The following BANP variants were observed in gnomAD, a reference collection of about 807,000 sequenced individuals.
BANP encodes the protein protein BANP.
In BANP, 11 loss-of-function variants were observed where a neutral mutation model predicts 68.1. That is an observed-to-expected ratio of 0.16 (90% confidence interval 0.10 to 0.27). The LOEUF (loss-of-function observed/expected upper bound fraction) is 0.27, where lower values mean the gene tolerates loss of function less well. Among genes scored for constraint, BANP ranks in the 10% least tolerant of loss-of-function variants. The pLI, the probability that BANP is intolerant of heterozygous loss-of-function variation, is 1.00. For synonymous variants in BANP, 329 were observed against 303.2 expected (o/e 1.09, Z -0.88); for missense variants, 504 against 722.7 (o/e 0.70, Z 3.47).
chr16:88,026,825 C>T (rs909654101), intron 7 of BANP, among the ~76,000 whole-genome samples: 2 of 152,226 alleles, frequency 1.3e-5, no homozygotes, highest in East Asian at 1.9e-4. Context: ...GGAACAGTAA[C>T]AATACACACC....
Position 88,036,269 on chromosome 16 carries a change from G to A in BANP, c.1272+875G>A, listed in dbSNP as rs13330420. On this transcript the variant is annotated intron_variant, in intron 10 of 13. Coordinates refer to ENST00000682872, the MANE Select transcript of BANP (RefSeq NM_001386991.1). The surrounding 1 kb of genome is among the most constrained non-coding windows in gnomAD (Gnocchi z 4.2). ...GTTTGGTGCATAGTAGTGTGTCGCT[G>A]CAAAGATCTCAGGCTTCCCCACACA... 0.71 allele frequency among the ~76,000 whole-genome samples: 108,105 copies of A among 152,076 alleles called. 42,023 individuals carry two copies. Among genetic ancestry groups the A allele is most frequent in the East Asian group, 0.87 (4,510 of 5,164 alleles).
At position 88,027,662 on chromosome 16, in the gene BANP, G is replaced by T; in HGVS notation, c.1063+12G>T. ...CTACTGCCCTTCAGGTAGGCCTCGT[G>T]CTGCAGGAGAGGCCGCCCTCCCCCG... On this transcript the variant is annotated intron_variant, in intron 8 of 13. Transcript: ENST00000682872. 6.2e-7 allele frequency: 1 copy of T among 1,612,568 alleles called. No homozygotes were observed. The highest frequency in any genetic ancestry group is 8.5e-7 in the Non-Finnish European group (1 of 1,179,718).
At chr16:88,023,636 G>T (rs986375967) in intron 7 of BANP, among the ~76,000 whole-genome samples, 1 of 152,206 alleles carries the variant, frequency 6.6e-6, no homozygotes, top group Non-Finnish European at 1.5e-5. Context: ...CAAGGCACAA[G>T]ATGACAAGCC....
chr16:87,977,843 C>CTTTG (rs1555547159), intron 2 of BANP, among the ~76,000 whole-genome samples: 1 of 151,354 alleles, frequency 6.6e-6, no homozygotes, highest in Non-Finnish European at 1.5e-5. Context: ...ATTGTGATAT[C>CTTTG]TTTATTTATT....
chr16:87,952,967 G>A lies in BANP; in HGVS notation c.-69+1452G>A, dbSNP rs538757242. Among the ~76,000 whole-genome samples, 14 of 152,168 alleles carry A rather than the reference G, an allele frequency of 9.2e-5. No individual in the cohort carries two copies. The East Asian group carries it at 2.3e-3, about 25-fold the overall frequency. On this transcript the variant is annotated intron_variant, in intron 1 of 13. Transcript: ENST00000682872. ...GTATTTTTCGTAGAGAGGGGGTTTC[G>A]CCTTGTTGTCCAGCCTGGGGCTTTA...
intron 1 of BANP, among the ~76,000 whole-genome samples, chr16:87,968,471 T>G: frequency 7.9e-6 from 1 of 127,284 alleles, no homozygotes; most frequent in Non-Finnish European, 1.6e-5. Context: ...GCAACAAGAG[T>G]GAAACTCTGT....
chr16:87,950,244 C>T (rs1195883509), upstream of BANP, among the ~76,000 whole-genome samples: 2 of 152,060 alleles, frequency 1.3e-5, no homozygotes, highest in Non-Finnish European at 2.9e-5. Flanking sequence ...GGCATTCTTG[C>T]TCATTGCAAA....
chr16:88,010,071 G>A (rs2072618643), intron 6 of BANP, among the ~76,000 whole-genome samples: 1 of 152,236 alleles, frequency 6.6e-6, no homozygotes, highest in South Asian at 2.1e-4. Flanking sequence ...CTTCATTCTT[G>A]TGCTTGCCTT....
chr16:87,961,065 C>T (rs1194770967), intron 1 of BANP, among the ~76,000 whole-genome samples: 1 of 152,164 alleles, frequency 6.6e-6, no homozygotes, highest in African/African-American at 2.4e-5. Flanking sequence ...CAACATTTTC[C>T]AGATGGTCGA....
intron 4 of BANP, among the ~76,000 whole-genome samples, chr16:87,995,901 C>T (rs1235792275): frequency 6.6e-6 from 1 of 152,256 alleles, no homozygotes; most frequent in African/African-American, 2.4e-5. Flanking sequence ...GCTGGGGTTC[C>T]TGCGGTGCCC....
In BANP at chr16:88,065,349, T is replaced by A. The variant is rs774184149; in HGVS notation, c.1377+17T>A. 2.1e-5 allele frequency: 16 copies of A among 765,302 alleles called. No homozygotes were observed. In the African/African-American group the frequency reaches 2.4e-4, roughly 11 times the overall value. 47.4% of individuals were successfully genotyped at this position (765,302 alleles called of 1,614,324 possible). ...AGTGGCCAGGTGAGTCCTTTGTACA[T>A]CCCATCTCTCCCACCCTCTGTGGCT... is the stretch of plus-strand genomic sequence containing the variant. On this transcript the variant is annotated intron_variant, in intron 12 of 13. Transcript: ENST00000682872.
chr16:88,047,924 C>A (rs923510690), intron 11 of BANP, among the ~76,000 whole-genome samples: 2 of 152,198 alleles, frequency 1.3e-5, no homozygotes, highest in Admixed American at 1.3e-4. Context: ...CTGAATTTAA[C>A]CCTGATTAGC....
chr16:88,037,054 G>C (rs1417908550), intron 10 of BANP, among the ~76,000 whole-genome samples: 1 of 152,160 alleles, frequency 6.6e-6, no homozygotes, highest in Admixed American at 6.5e-5. Context: ...CTGCCAAAGA[G>C]CTCAGCCAGA....
At chr16:88,065,134 TAACA>T in intron 11 of BANP, 129 bp from the exon 12 acceptor site, 1 of 533,116 alleles carries the variant, frequency 1.9e-6, no homozygotes, top group Non-Finnish European at 3.3e-6. Flanking sequence ...GTGGCTGCCA[TAACA>T]AACGACCACA....
intron 1 of BANP, among the ~76,000 whole-genome samples, chr16:87,964,604 AG>A (rs66969688): frequency 0.66 from 100,056 of 152,048 alleles, 33,470 homozygotes; most frequent in African/African-American, 0.74. Context: ...AAGCCCTCGG[AG>A]GGCTTAGAGC....
At chr16:88,026,647 CTG>C (rs888183298) in intron 7 of BANP, among the ~76,000 whole-genome samples, 3 of 152,122 alleles carry the variant, frequency 2.0e-5, no homozygotes, top group African/African-American at 7.2e-5. Context: ...ATTCTCCAAA[CTG>C]TGTTTGTGAG....
At chr16:88,060,654 G>A (rs1437133065) in intron 11 of BANP, among the ~76,000 whole-genome samples, 1 of 152,210 alleles carries the variant, frequency 6.6e-6, no homozygotes, top group Non-Finnish European at 1.5e-5. Flanking sequence ...TTTCTGTGGG[G>A]AGCGAGAGGC....
At chr16:88,054,840 A>T (rs566881600) in intron 11 of BANP, among the ~76,000 whole-genome samples, 1 of 152,352 alleles carries the variant, frequency 6.6e-6, no homozygotes, top group Non-Finnish European at 1.5e-5. Context: ...TTGCTTCAGG[A>T]TAAAGCCTTC....
chr16:88,072,337 A>G (rs2090558683), intron 13 of BANP, 125 bp downstream of exon 13: 2 of 1,129,584 alleles, frequency 1.8e-6, no homozygotes, highest in Non-Finnish European at 1.2e-6. Context: ...GTGATTGGAC[A>G]CAGATGCCCA....
Sources: gnomAD v4.1 joint callset for allele counts (sites outside exome capture counted in the v4.1 genomes callset) on GRCh38, gnomAD v4.1.1 for gene constraint, Gnocchi (gnomAD v3.1) non-coding constraint, MANE v1.5 for transcripts, NCBI Gene and HGNC (gene_info 2026-07-23, HGNC 2026-07-21) for gene names.